Variants in MTMR4 observed in about 807,000 individuals in gnomAD.
The protein encoded by MTMR4 is myotubularin related protein 4.
In MTMR4, 30 loss-of-function variants were observed where a neutral mutation model predicts 125.5. The ratio of observed to expected loss-of-function variants is 0.24; its 90% CI spans 0.18 to 0.32. The LOEUF (loss-of-function observed/expected upper bound fraction) is 0.32. MTMR4 is among the 10% of genes least tolerant of loss of function. The pLI is 1.00. For missense variants in MTMR4, 1,039 were observed against 1,511.5 expected (o/e 0.69, Z 5.18); for synonymous variants, 498 against 564.5 (o/e 0.88, Z 1.67).
chr17:58,514,857 C>T, upstream of MTMR4: 1 of 448,996 alleles, frequency 2.2e-6, no homozygotes, highest in African/African-American at 2.1e-5. Context: ...AGGTGAGCCA[C>T]CCCATGCCCT....
intron 14 of MTMR4, among the ~76,000 whole-genome samples, chr17:58,498,775 C>T (rs986735605): frequency 8.5e-5 from 13 of 152,106 alleles, no homozygotes; most frequent in East Asian, 5.8e-4. Context: ...CCTGTATCTC[C>T]GCTTTCTCCC....
At chr17:58,492,719 T>C in intron 16 of MTMR4, 120 bp from the exon 17 acceptor site, 1 of 1,343,376 alleles carries the variant, frequency 7.4e-7, no homozygotes. Flanking sequence ...CTGGCTACCA[T>C]TTGCCTACCA....
rs1417730709 is a variant in MTMR4 at position 58,495,977 on chromosome 17, A to T, written c.2207T>A (p.Ile736Asn). 6.2e-7 allele frequency: 1 copy of T among 1,614,066 alleles called. No individual in the cohort carries two copies. Among genetic ancestry groups the T allele is most frequent in the Non-Finnish European group, 8.5e-7 (1 of 1,180,032 alleles). ...TCCCTTAGTCTCTTCTAGGACTTTG[A>T]TCTCAGGATCAGAGGTGTTGCTCTT... ...EMKSNTSDPEIKVLEETKGPA... is the reference protein window; with the variant it reads ...EMKSNTSDPENKVLEETKGPA... The change falls in exon 15 of 18, where the codon ATC becomes AAC. Residue 736 changes from isoleucine (I) to asparagine (N), a missense_variant. This residue lies in a region of MTMR4 where 619 missense variants were observed against 714.5 expected (regional missense o/e 0.87). Coordinates refer to ENST00000682306, the MANE Select transcript of MTMR4 (RefSeq NM_001378067.1).
rs1332307402 is a variant in MTMR4 at position 58,512,007 on chromosome 17, G to A, written c.252+383C>T. Among the ~76,000 whole-genome samples, 1 of 151,394 alleles carries A rather than the reference G, an allele frequency of 6.6e-6. No homozygotes were observed. Among genetic ancestry groups the A allele is most frequent in the East Asian group, 1.9e-4 (1 of 5,178 alleles). ...AACTTTTTTTTTTTTATTTTTTTGA[G>A]AGGTAGTCTCACCCTGTCACCCAAG... On this transcript the variant is annotated intron_variant, in intron 3 of 17. Coordinates refer to ENST00000682306, the MANE Select transcript of MTMR4 (RefSeq NM_001378067.1). The surrounding 1 kb of genome is among the most constrained non-coding windows in gnomAD (Gnocchi z 4.1).
At position 58,508,661 on chromosome 17, in the gene MTMR4, A is replaced by G. The variant is rs1975845375; in HGVS notation, c.496+20T>C. On this transcript the variant is annotated intron_variant, in intron 5 of 17. Coordinates refer to ENST00000682306, the MANE Select transcript of MTMR4 (RefSeq NM_001378067.1). This position sits in a 1 kb window ranked among gnomAD's most constrained non-coding sequence, Gnocchi z 4.8. ...TAAGGGGTAAGAAGCAGCCTCCCAAAGAAAATAGACTGGCCTCACCTGGCT... is the reference window on the plus strand; with the variant it reads ...TAAGGGGTAAGAAGCAGCCTCCCAAGGAAAATAGACTGGCCTCACCTGGCT... 6.2e-7 allele frequency: 1 copy of G among 1,613,598 alleles called. No homozygotes were observed. Among genetic ancestry groups the G allele is most frequent in the Admixed American group, 1.7e-5 (1 of 60,014 alleles).
intron 8 of MTMR4, 114 bp downstream of exon 8, chr17:58,507,009 C>T: frequency 6.4e-7 from 1 of 1,554,702 alleles, no homozygotes; most frequent in Non-Finnish European, 8.8e-7. Context: ...AGGCAGGGAC[C>T]CCAGCACCCC....
rs995157376 is a variant in MTMR4, at chr17:58,513,744, G to T, written c.45+619C>A. Among the ~76,000 whole-genome samples the T allele has an allele frequency of 2.6e-5, 4 of 152,068 alleles. No homozygotes were observed. In the South Asian group the frequency reaches 8.3e-4, roughly 32 times the overall value. On this transcript the variant is annotated intron_variant, in intron 1 of 17. Coordinates refer to ENST00000682306, the MANE Select transcript of MTMR4 (RefSeq NM_001378067.1). The stretch of plus-strand genomic sequence containing the variant: ...CAGACACCCACGGGGAAGGTGGGGG[G>T]ACAGCTGAGAGGACAGATGGGGGAA...
chr17:58,518,944 G>A (rs1448063503), upstream of MTMR4, among the ~76,000 whole-genome samples: 2 of 152,206 alleles, frequency 1.3e-5, no homozygotes, highest in Non-Finnish European at 2.9e-5. Context: ...GTAAGTTCCA[G>A]GAAGACAGGA....
chr17:58,506,917 A>T, intron 8 of MTMR4, 46 bp from the exon 9 acceptor site: 1 of 1,595,522 alleles, frequency 6.3e-7, no homozygotes, highest in Non-Finnish European at 8.5e-7. Context: ...CAGCCACCCA[A>T]CCTCTTGCTG....
At chr17:58,511,950 C>T (rs1025929676) in intron 3 of MTMR4, among the ~76,000 whole-genome samples, 3 of 151,912 alleles carry the variant, frequency 2.0e-5, no homozygotes, top group Middle Eastern at 3.4e-3. Flanking sequence ...GGCAGGAAAA[C>T]ATGAGGTCAG....
At chr17:58,496,478 G>T (rs1381638758) in intron 14 of MTMR4, 148 bp from the exon 15 acceptor site, 3 of 686,514 alleles carry the variant, frequency 4.4e-6, no homozygotes, top group Non-Finnish European at 7.1e-6. Flanking sequence ...GGACCCTTAA[G>T]ATCACAAATA....
At chr17:58,494,615 A>G (rs1975403657) in intron 15 of MTMR4, among the ~76,000 whole-genome samples, 1 of 152,106 alleles carries the variant, frequency 6.6e-6, no homozygotes, top group African/African-American at 2.4e-5. Context: ...TATTGCCACT[A>G]CGCTTCTGCA....
In MTMR4 at chr17:58,494,836, G is replaced by T. The variant is rs186681505; in HGVS notation, c.3252+96C>A. Reference sequence around the variant, plus strand: ...CTATAGCCCAGGCACCTAACTCAGTGGCACACAGCAAGTACCCAACGAATA... The same window carrying T: ...CTATAGCCCAGGCACCTAACTCAGTTGCACACAGCAAGTACCCAACGAATA... On this transcript the variant is annotated intron_variant, in intron 15 of 17. Transcript: ENST00000682306. 2.4e-4 allele frequency: 272 copies of T among 1,148,352 alleles called. 1 individual carries two copies. The East Asian group carries it at 5.5e-3, about 23-fold the overall frequency. The allele number at this position is 1,148,352 out of a possible 1,614,324, so 71.1% of individuals were successfully genotyped here.
upstream of MTMR4, among the ~76,000 whole-genome samples, chr17:58,517,496 C>G (rs911345726): frequency 6.6e-6 from 1 of 152,256 alleles, no homozygotes; most frequent in Non-Finnish European, 1.5e-5. Flanking sequence ...ATGGGGGAAC[C>G]GGCAAGAGGC....
intron 4 of MTMR4, among the ~76,000 whole-genome samples, chr17:58,509,542 C>G (rs962242993): frequency 6.6e-6 from 1 of 151,730 alleles, no homozygotes; most frequent in Admixed American, 6.6e-5. Flanking sequence ...AATCAGTCCC[C>G]TGAGTAGCTG....
rs1379027128 is a variant in MTMR4 at position 58,514,581 on chromosome 17, C to T, written c.-174G>A. 2.5e-5 allele frequency: 25 copies of T among 985,140 alleles called. No individual in the cohort carries two copies. Among genetic ancestry groups the T allele is most frequent in the Non-Finnish European group, 2.9e-5 (24 of 829,908 alleles). 61.0% of individuals were successfully genotyped at this position (985,140 alleles called of 1,614,324 possible). On this transcript the variant is annotated 5_prime_UTR_variant, in exon 1 of 18. Transcript: ENST00000682306. ...GCGGCTCCCGCGCGCCTCTCCCCTC[C>T]TCTCCACAATGGAGCGGGCCCAGCT...
intron 14 of MTMR4, among the ~76,000 whole-genome samples, chr17:58,502,247 C>A (rs952073088): frequency 2.0e-5 from 3 of 151,286 alleles, no homozygotes; most frequent in Non-Finnish European, 4.4e-5. Context: ...ATCTCCACCC[C>A]CCCAGATTCA....
Position 58,500,143 on chromosome 17 carries a change from T to C in MTMR4, c.1853+3601A>G, listed in dbSNP as rs77087709. On this transcript the variant is annotated intron_variant, in intron 14 of 17. Transcript: ENST00000682306. ...CTTTGAACTACACACATTTGTTTTTTTGAGACAAGGTCTCGCTGTGTCACC... is the reference window on the plus strand; with the variant it reads ...CTTTGAACTACACACATTTGTTTTTCTGAGACAAGGTCTCGCTGTGTCACC... Among the ~76,000 whole-genome samples, 4 of 152,232 alleles carry C rather than the reference T, an allele frequency of 2.6e-5. No individual in the cohort carries two copies. The East Asian group carries it at 5.8e-4, about 22-fold the overall frequency.
Position 58,514,472 on chromosome 17 carries a change from G to A in MTMR4, c.-65C>T, listed in dbSNP as rs1976029857. Reference sequence around the variant, plus strand: ...CCGCTGCGCTGCCCGCCAGCCCCGGGCGCCCGCCGCATCCCGGCTGCGGGG... The same window carrying A: ...CCGCTGCGCTGCCCGCCAGCCCCGGACGCCCGCCGCATCCCGGCTGCGGGG... On this transcript the variant is annotated 5_prime_UTR_variant, in exon 1 of 18. Transcript: ENST00000682306. The A allele has an allele frequency of 1.5e-5, 15 of 984,958 alleles. No homozygotes were observed. The South Asian group carries it at 6.6e-4, about 43-fold the overall frequency. The allele number at this position is 984,958 out of a possible 1,614,324, so 61.0% of individuals were successfully genotyped here. A position where few individuals can be genotyped will look rare whatever the true frequency, so the allele number is the denominator to read the frequency against.
Sources: gnomAD v4.1 joint callset for allele counts (sites outside exome capture counted in the v4.1 genomes callset) on GRCh38, gnomAD v4.1.1 for gene constraint, gnomAD v4.1.1 regional missense constraint, Gnocchi (gnomAD v3.1) non-coding constraint, MANE v1.5 for transcripts, NCBI Gene and HGNC (gene_info 2026-07-23, HGNC 2026-07-21) for gene names.